Variants in SPECC1 observed in about 807,000 individuals in gnomAD.
SPECC1 encodes sperm antigen with calponin homology and coiled-coil domains 1, also known as cytospin-B.
In SPECC1, 62 loss-of-function variants were observed where a neutral mutation model predicts 104.1. The ratio of observed to expected loss-of-function variants is 0.60; its 90% CI spans 0.49 to 0.74. SPECC1 has a LOEUF of 0.74. Ranked by LOEUF, SPECC1 falls within the 30% of genes least tolerant of loss-of-function variation. The pLI is 0.00. For missense variants in SPECC1, 1,306 were observed against 1,310.5 expected (o/e 1.00, Z 0.05); for synonymous variants, 513 against 501.6 (o/e 1.02, Z -0.30).
intron 1 of SPECC1, among the ~76,000 whole-genome samples, chr17:20,042,854 A>C (rs1292952172): frequency 6.6e-6 from 1 of 152,094 alleles, no homozygotes; most frequent in Non-Finnish European, 1.5e-5. Context: ...TGTGGGCCTC[A>C]AGGCACCTGG....
chr17:20,049,211 C>T (rs774673311), intron 1 of SPECC1, among the ~76,000 whole-genome samples: 1 of 152,186 alleles, frequency 6.6e-6, no homozygotes, highest in African/African-American at 2.4e-5. Flanking sequence ...TCCTCACATT[C>T]TCACCAACAT....
chr17:20,041,932 G>T (rs1421878128), intron 1 of SPECC1, among the ~76,000 whole-genome samples: 1 of 152,080 alleles, frequency 6.6e-6, no homozygotes, highest in Non-Finnish European at 1.5e-5. Flanking sequence ...GCCTGTTGAG[G>T]CTTATGATAT....
chr17:20,109,898 A>G lies in SPECC1; in HGVS notation c.148-529A>G, dbSNP rs372315845. ...TTTAGAGACGAGGTTTCACTTTGTC[A>G]CCCAGGCTGGAGTACAATGGCACAA... is the stretch of plus-strand genomic sequence containing the variant. On this transcript the variant is annotated intron_variant, in intron 2 of 14. Coordinates refer to ENST00000395527, the MANE Select transcript of SPECC1 (RefSeq NM_001243439.2). 2.6e-5 allele frequency among the ~76,000 whole-genome samples: 4 copies of G among 152,184 alleles called. No homozygotes were observed. In the East Asian group the frequency reaches 7.7e-4, roughly 29 times the overall value.
At chr17:20,203,103 C>T (rs1424147687) in intron 3 of SPECC1, among the ~76,000 whole-genome samples, 3 of 151,924 alleles carry the variant, frequency 2.0e-5, no homozygotes, top group East Asian at 3.9e-4. Flanking sequence ...CCTGCCTTAG[C>T]GCTGGGGCTG....
At chr17:20,246,884 C>T (rs998147576) in intron 8 of SPECC1, among the ~76,000 whole-genome samples, 1 of 152,178 alleles carries the variant, frequency 6.6e-6, no homozygotes, top group African/African-American at 2.4e-5. Flanking sequence ...TATTCAAAGA[C>T]ATGAAAGCCT....
chr17:20,180,788 A>T (rs2034826525), intron 3 of SPECC1, among the ~76,000 whole-genome samples: 1 of 152,228 alleles, frequency 6.6e-6, no homozygotes, highest in African/African-American at 2.4e-5. Context: ...AAAAGTATAG[A>T]GGTTAGAAAC....
At chr17:20,071,447 G>A (rs1425207981) in intron 1 of SPECC1, among the ~76,000 whole-genome samples, 1 of 152,064 alleles carries the variant, frequency 6.6e-6, no homozygotes, top group Admixed American at 6.6e-5. Flanking sequence ...GATAGCTTCT[G>A]TAGAGAATAA....
chr17:20,225,399 T>A (rs2038138657), intron 4 of SPECC1, among the ~76,000 whole-genome samples: 1 of 152,218 alleles, frequency 6.6e-6, no homozygotes, highest in Non-Finnish European at 1.5e-5. Flanking sequence ...CAAAGTGCTT[T>A]AGCCCACAGA....
At chr17:20,200,532 TC>T (rs1207779183) in intron 3 of SPECC1, among the ~76,000 whole-genome samples, 1 of 152,176 alleles carries the variant, frequency 6.6e-6, no homozygotes, top group African/African-American at 2.4e-5. Context: ...GCTGAGCCAA[TC>T]CCTGTTCCAC....
chr17:20,244,965 C>CA (rs2039359104), intron 7 of SPECC1, among the ~76,000 whole-genome samples: 1 of 152,186 alleles, frequency 6.6e-6, no homozygotes, highest in Admixed American at 6.5e-5. Context: ...AATGATCTAT[C>CA]ATAGAATGCT....
chr17:20,190,951 C>T (rs1038843122), intron 3 of SPECC1, among the ~76,000 whole-genome samples: 2 of 151,942 alleles, frequency 1.3e-5, no homozygotes, highest in African/African-American at 4.8e-5. Context: ...TACAAAACTA[C>T]GGTCTCTGTA....
At chr17:20,088,771 C>T (rs182589369) in intron 1 of SPECC1, among the ~76,000 whole-genome samples, 10 of 152,226 alleles carry the variant, frequency 6.6e-5, no homozygotes, top group African/African-American at 1.2e-4. Context: ...TTGATGTACC[C>T]CCCAAAATTT....
chr17:20,165,457 T>C (rs956507370), intron 3 of SPECC1, among the ~76,000 whole-genome samples: 14 of 152,238 alleles, frequency 9.2e-5, no homozygotes, highest in Non-Finnish European at 1.8e-4. Context: ...CACTCTGTCA[T>C]TGATGGACAT....
chr17:20,294,678 GGGA>G (rs2041286907), intron 12 of SPECC1, among the ~76,000 whole-genome samples: 4 of 151,120 alleles, frequency 2.6e-5, no homozygotes, highest in East Asian at 2.0e-4. Flanking sequence ...GATGGTGGTG[GGGA>G]TGATGGTCAT....
At chr17:20,037,402 C>A (rs1310719938) in intron 1 of SPECC1, among the ~76,000 whole-genome samples, 1 of 152,062 alleles carries the variant, frequency 6.6e-6, no homozygotes, top group African/African-American at 2.4e-5. Flanking sequence ...CCACCAGCGT[C>A]AGCCTCCCAA....
At chr17:20,225,415 G>A (rs2038139715) in intron 4 of SPECC1, among the ~76,000 whole-genome samples, 2 of 152,172 alleles carry the variant, frequency 1.3e-5, no homozygotes, top group Non-Finnish European at 2.9e-5. Context: ...ACAGAGGTAG[G>A]GCTTGCCAGA....
Position 20,204,393 on chromosome 17 carries a change from T to C in SPECC1, c.344T>C (p.Val115Ala), listed in dbSNP as rs1786991333. Residue 115 changes from valine (V) to alanine (A), a missense_variant, in exon 4 of 15, where the codon GTC (valine) becomes GCC (alanine). Physicochemically the swap from Val to Ala is moderately conservative, Grantham distance 64. Transcript: ENST00000395527. The stretch of plus-strand genomic sequence containing the variant: ...GCCCCACGGGAATTTTCAGTAACTG[T>C]CTCAAGAGAGAGGTCTGTGCCACGT... ...IPAPREFSVT[V>A]SRERSVPRGP... 5.6e-6 allele frequency: 9 copies of C among 1,614,062 alleles called. No homozygotes were observed. The highest frequency in any genetic ancestry group is 7.6e-6 in the Non-Finnish European group (9 of 1,180,028).
intron 2 of SPECC1, among the ~76,000 whole-genome samples, chr17:20,104,696 T>C (rs992854303): frequency 2.1e-5 from 3 of 143,640 alleles, no homozygotes; most frequent in African/African-American, 8.0e-5. Context: ...TGAGCCGAGA[T>C]TGTGCCACTG....
chr17:20,186,737 T>G (rs1015810167), intron 3 of SPECC1, among the ~76,000 whole-genome samples: 1 of 152,102 alleles, frequency 6.6e-6, no homozygotes, highest in Non-Finnish European at 1.5e-5. Flanking sequence ...GGGTTTTTTT[T>G]GTATTTTCAG....
Sources: gnomAD v4.1 joint callset for allele counts (sites outside exome capture counted in the v4.1 genomes callset) on GRCh38, gnomAD v4.1.1 for gene constraint, MANE v1.5 for transcripts, NCBI Gene and HGNC (gene_info 2026-07-23, HGNC 2026-07-21) for gene names.